The following GLIS3 variants were observed in gnomAD, a reference collection of about 807,000 sequenced individuals.
GLIS3 encodes the protein GLIS family zinc finger 3, also known as zinc finger protein GLIS3.
Under a neutral mutation model 78.6 loss-of-function variants are expected in GLIS3, and 53 were observed. The ratio of observed to expected loss-of-function variants is 0.67; its 90% CI spans 0.54 to 0.85. The LOEUF (loss-of-function observed/expected upper bound fraction) is 0.85, where lower values mean the gene tolerates loss of function less well. Among genes scored for constraint, GLIS3 ranks in the 40% least tolerant of loss-of-function variants. GLIS3 has a pLI of 0.00. For synonymous variants in GLIS3, 684 were observed against 509.9 expected (o/e 1.34, Z -4.60); for missense variants, 1,703 against 1,231.1 (o/e 1.38, Z -5.74).
At chr9:4,039,356 G>C (rs919056178) in intron 4 of GLIS3, among the ~76,000 whole-genome samples, 1 of 152,144 alleles carries the variant, frequency 6.6e-6, no homozygotes, top group African/African-American at 2.4e-5. Flanking sequence ...TAGCAAAATA[G>C]AGAAGCCACC....
chr9:4,298,760 G>T lies in GLIS3; in HGVS notation c.-99+661C>A, dbSNP rs1032015694. On this transcript the variant is annotated intron_variant, in intron 1 of 10. Coordinates refer to ENST00000381971, the MANE Select transcript of GLIS3 (RefSeq NM_001042413.2). ...TGTCTGCGTCCTGGCGGCGTGGGAG[G>T]TTATAGTTCCAGACCTGGCGGCTGC... is the stretch of plus-strand genomic sequence containing the variant. 3.3e-5 allele frequency among the ~76,000 whole-genome samples: 5 copies of T among 152,256 alleles called. 1 individual carries two copies. Among genetic ancestry groups the T allele is most frequent in the South Asian group, 4.1e-4 (2 of 4,826 alleles).
chr9:4,227,351 T>G (rs1007913456), intron 2 of GLIS3, among the ~76,000 whole-genome samples: 6 of 148,798 alleles, frequency 4.0e-5, no homozygotes, highest in African/African-American at 1.2e-4. Flanking sequence ...CACACAATGA[T>G]AGCCTTGAAA....
chr9:4,322,871 C>T (rs1335152167), intron 2 of GLIS3, among the ~76,000 whole-genome samples: 1 of 152,202 alleles, frequency 6.6e-6, no homozygotes, highest in East Asian at 1.9e-4. Flanking sequence ...TGCCTGTTCA[C>T]TCTGATGGTA....
chr9:4,118,561 G>C lies in GLIS3; in HGVS notation c.917C>G (p.Ser306Cys). ...TATCCCGATGCCATCGGACAGCGGG[G>C]ACAAGGACAGCGCTCTCTTCTTGGA... ...ARSKKRALSLSPLSDGIGIDF... is the reference protein window; with the variant it reads ...ARSKKRALSLCPLSDGIGIDF... The change falls in exon 4 of 11, where the codon TCC (serine) becomes TGC (cysteine). Residue 306 changes from serine (S) to cysteine (C), a missense_variant. Coordinates refer to ENST00000381971, the MANE Select transcript of GLIS3 (RefSeq NM_001042413.2). The surrounding 1 kb of genome is among the most constrained non-coding windows in gnomAD (Gnocchi z 4.7). The C allele has an allele frequency of 4.3e-6, 7 of 1,614,246 alleles. No homozygotes were observed. The highest frequency in any genetic ancestry group is 5.9e-6 in the Non-Finnish European group (7 of 1,180,038).
chr9:4,469,416 C>T, the GLIS3 span, among the ~76,000 whole-genome samples: 2 of 152,212 alleles, frequency 1.3e-5, no homozygotes, highest in East Asian at 3.9e-4. Context: ...TGTAAAAGAA[C>T]AGAAATTATA....
intron 2 of GLIS3, among the ~76,000 whole-genome samples, chr9:4,329,508 T>G (rs1258814104): frequency 6.6e-6 from 1 of 152,126 alleles, no homozygotes; most frequent in African/African-American, 2.4e-5. Flanking sequence ...AAGACCACCA[T>G]AACCCCACCT....
the GLIS3 span, among the ~76,000 whole-genome samples, chr9:4,458,942 A>G: frequency 1.3e-5 from 2 of 152,216 alleles, no homozygotes; most frequent in African/African-American, 4.8e-5. Context: ...TGACAGGAAG[A>G]GTGATAAGAG....
At chr9:4,445,920 G>C in the GLIS3 span, among the ~76,000 whole-genome samples, 28 of 152,320 alleles carry the variant, frequency 1.8e-4, no homozygotes, top group African/African-American at 6.0e-4. Flanking sequence ...TTTGTCTCTA[G>C]GTAGTTTTCA....
the GLIS3 span, among the ~76,000 whole-genome samples, chr9:4,378,326 C>T: frequency 1.3e-5 from 2 of 152,062 alleles, no homozygotes; most frequent in Non-Finnish European, 2.9e-5. Context: ...AAGTATATCC[C>T]AGGTGCAATT....
chr9:4,245,291 C>A (rs1000249127), intron 2 of GLIS3, among the ~76,000 whole-genome samples: 1 of 152,168 alleles, frequency 6.6e-6, no homozygotes, highest in African/African-American at 2.4e-5. Context: ...TGGTCCACAG[C>A]CCTCAGCATT....
At chr9:4,346,002 C>CT (rs1481835769) in intron 2 of GLIS3, among the ~76,000 whole-genome samples, 3 of 152,030 alleles carry the variant, frequency 2.0e-5, no homozygotes, top group Non-Finnish European at 4.4e-5. Context: ...TTCTAATACA[C>CT]TTTTTTCAAA....
chr9:4,365,999 G>A, the GLIS3 span, among the ~76,000 whole-genome samples: 1 of 152,218 alleles, frequency 6.6e-6, no homozygotes, highest in Non-Finnish European at 1.5e-5. Flanking sequence ...ATTGAAAAGT[G>A]TAGGAAGGAG....
intron 2 of GLIS3, among the ~76,000 whole-genome samples, chr9:4,284,213 T>C (rs1301171100): frequency 6.6e-6 from 1 of 152,232 alleles, no homozygotes; most frequent in African/African-American, 2.4e-5. Flanking sequence ...AACTCAGTGC[T>C]GTTTGAGGAA....
intron 1 of GLIS3, chr9:4,298,480 G>C: frequency 4.5e-6 from 2 of 447,848 alleles, no homozygotes; most frequent in South Asian, 1.6e-5. Context: ...GTCAGCTCCA[G>C]TGAGTAACTT....
At chr9:4,106,331 C>T (rs1001251143) in intron 4 of GLIS3, among the ~76,000 whole-genome samples, 1 of 152,084 alleles carries the variant, frequency 6.6e-6, no homozygotes, top group Non-Finnish European at 1.5e-5. Context: ...TTTATTGTCG[C>T]TCCTGATAAG....
At chr9:4,316,941 G>A (rs977396769) in intron 2 of GLIS3, among the ~76,000 whole-genome samples, 7 of 136,508 alleles carry the variant, frequency 5.1e-5, no homozygotes, top group Non-Finnish European at 1.1e-4. Flanking sequence ...ATTAGCCGTT[G>A]GTAAAATTGG....
At chr9:4,433,480 G>T in the GLIS3 span, among the ~76,000 whole-genome samples, 4 of 152,236 alleles carry the variant, frequency 2.6e-5, no homozygotes, top group Non-Finnish European at 5.9e-5. Context: ...CATAGGAGAA[G>T]TTTCTCAGTT....
At chr9:4,330,802 A>G (rs545326420) in intron 2 of GLIS3, among the ~76,000 whole-genome samples, 8 of 152,248 alleles carry the variant, frequency 5.3e-5, no homozygotes, top group Admixed American at 2.6e-4. Context: ...AAAAAATGCA[A>G]TCGATGCTGA....
intron 2 of GLIS3, among the ~76,000 whole-genome samples, chr9:4,241,818 G>T (rs1158958428): frequency 6.6e-6 from 1 of 152,138 alleles, no homozygotes; most frequent in Non-Finnish European, 1.5e-5. Flanking sequence ...AAGTAGGTGT[G>T]ATTACAGGCA....
Sources: gnomAD v4.1 joint callset for allele counts (sites outside exome capture counted in the v4.1 genomes callset) on GRCh38, gnomAD v4.1.1 for gene constraint, Gnocchi (gnomAD v3.1) non-coding constraint, MANE v1.5 for transcripts, NCBI Gene and HGNC (gene_info 2026-07-23, HGNC 2026-07-21) for gene names.